Variants in LRRC69 observed in about 807,000 individuals in gnomAD.
LRRC69 encodes the protein leucine-rich repeat-containing protein 69.
LRRC69 carries 42 observed loss-of-function variants against 37.8 expected under a neutral mutation model. That is an observed-to-expected ratio of 1.11 (90% CI 0.87 to 1.44). LRRC69 has a LOEUF of 1.44. Among genes scored for constraint, LRRC69 ranks in the 40% most tolerant of loss-of-function variants. LRRC69 has a pLI of 0.00. For synonymous variants in LRRC69, 141 were observed against 143.1 expected (o/e 0.99, Z 0.11); for missense variants, 357 against 401.9 (o/e 0.89, Z 0.96).
chr8:91,119,451 A>T (rs1019036559), intron 1 of LRRC69, among the ~76,000 whole-genome samples: 7 of 151,976 alleles, frequency 4.6e-5, no homozygotes, highest in Non-Finnish European at 8.8e-5. Flanking sequence ...TTACAAGTTG[A>T]GGTTTTTATG....
intron 5 of LRRC69, among the ~76,000 whole-genome samples, chr8:91,145,626 A>T (rs986376422): frequency 1.3e-5 from 2 of 151,848 alleles, no homozygotes; most frequent in Admixed American, 1.3e-4. Context: ...CTGACCTTTT[A>T]AAAAATGGGA....
intron 1 of LRRC69, among the ~76,000 whole-genome samples, chr8:91,110,174 G>C (rs1485136382): frequency 6.6e-6 from 1 of 151,860 alleles, no homozygotes; most frequent in East Asian, 1.9e-4. Flanking sequence ...CTCTTCTTAA[G>C]GAAGTTAAAG....
chr8:91,161,736 T>A (rs1435840628), intron 5 of LRRC69, among the ~76,000 whole-genome samples: 1 of 151,294 alleles, frequency 6.6e-6, no homozygotes, highest in Non-Finnish European at 1.5e-5. Flanking sequence ...CTTTTTAAAT[T>A]TGCTTTTTAT....
intron 1 of LRRC69, among the ~76,000 whole-genome samples, chr8:91,104,010 G>A (rs971632482): frequency 7.3e-5 from 11 of 151,550 alleles, no homozygotes; most frequent in Non-Finnish European, 1.5e-4. Flanking sequence ...CCTCAATCCC[G>A]ATCTCCATAT....
chr8:91,158,391 A>C, intron 5 of LRRC69: 1 of 1,403,462 alleles, frequency 7.1e-7, no homozygotes, highest in Non-Finnish European at 1.0e-6. Flanking sequence ...ACAAACTCTG[A>C]TCACCCCAAG....
At chr8:91,136,479 A>C (rs1241589599) in intron 5 of LRRC69, among the ~76,000 whole-genome samples, 1 of 152,048 alleles carries the variant, frequency 6.6e-6, no homozygotes, top group Non-Finnish European at 1.5e-5. Context: ...TTTAGAAAAA[A>C]GTATAGTTTT....
intron 5 of LRRC69, among the ~76,000 whole-genome samples, chr8:91,159,132 A>G (rs1197468756): frequency 1.3e-5 from 2 of 151,130 alleles, no homozygotes; most frequent in African/African-American, 2.4e-5. Context: ...TTGCCTTCCC[A>G]TTGATCCTTC....
chr8:91,194,432 C>T (rs1292582403), intron 6 of LRRC69, among the ~76,000 whole-genome samples: 1 of 151,872 alleles, frequency 6.6e-6, no homozygotes, highest in African/African-American at 2.4e-5. Flanking sequence ...GTACCAGTTC[C>T]TCCTTGTACC....
At chr8:91,126,128 G>A (rs1035532916) in intron 2 of LRRC69, among the ~76,000 whole-genome samples, 1 of 151,926 alleles carries the variant, frequency 6.6e-6, no homozygotes, top group African/African-American at 2.4e-5. Context: ...TTGATGTCAG[G>A]GAGTTTAATG....
exon 8 of LRRC69, chr8:91,218,997 G>A: frequency 1.3e-6 from 2 of 1,535,084 alleles, no homozygotes; most frequent in Non-Finnish European, 1.8e-6. Flanking sequence ...TTGCTCAGGT[G>A]TAGAACAGGT....
At chr8:91,200,822 C>CAAA in intron 7 of LRRC69, 30 bp downstream of exon 7, 1 of 1,490,600 alleles carries the variant, frequency 6.7e-7, no homozygotes, top group East Asian at 2.6e-5. Flanking sequence ...CGAATATGAG[C>CAAA]ATAATACTGA....
At chr8:91,110,085 C>T (rs374995635) in intron 1 of LRRC69, among the ~76,000 whole-genome samples, 5 of 151,984 alleles carry the variant, frequency 3.3e-5, no homozygotes, top group African/African-American at 9.6e-5. Context: ...TAATTTGATT[C>T]GATTACCTTT....
intron 6 of LRRC69, among the ~76,000 whole-genome samples, chr8:91,190,465 G>T (rs1433580701): frequency 6.6e-6 from 1 of 151,966 alleles, no homozygotes; most frequent in Non-Finnish European, 1.5e-5. Context: ...AAAATACTAA[G>T]AAATCAAATT....
chr8:91,118,197 T>C (rs1260270593), intron 1 of LRRC69: 1 of 455,374 alleles, frequency 2.2e-6, no homozygotes, highest in East Asian at 7.0e-5. Flanking sequence ...TATGTTGGTC[T>C]AGGTGACTTG....
chr8:91,119,749 G>T (rs533873047), intron 1 of LRRC69, among the ~76,000 whole-genome samples: 1 of 151,898 alleles, frequency 6.6e-6, no homozygotes, highest in African/African-American at 2.4e-5. Context: ...TCATATTTCC[G>T]TGAGAAAACA....
chr8:91,199,357 G>A (rs1809675647), intron 6 of LRRC69, among the ~76,000 whole-genome samples: 1 of 152,156 alleles, frequency 6.6e-6, no homozygotes, highest in African/African-American at 2.4e-5. Context: ...TTGTGCTGTT[G>A]AACGATCAGA....
At chr8:91,169,328 A>G (rs10099683) in intron 5 of LRRC69, among the ~76,000 whole-genome samples, 32,612 of 151,692 alleles carry the variant, frequency 0.21, 5,795 homozygotes, top group African/African-American at 0.48. Context: ...GGGTGATGAA[A>G]TAATCTGTAT....
chr8:91,163,677 T>C (rs1808983695), intron 5 of LRRC69, among the ~76,000 whole-genome samples: 1 of 151,550 alleles, frequency 6.6e-6, no homozygotes, highest in Non-Finnish European at 1.5e-5. Context: ...ATCTCTTTAA[T>C]AGCTGCATTA....
intron 7 of LRRC69, among the ~76,000 whole-genome samples, chr8:91,201,816 T>C (rs569560202): frequency 6.6e-6 from 1 of 152,256 alleles, no homozygotes; most frequent in African/African-American, 2.4e-5. Context: ...TAAACACAAA[T>C]GTAACATAAA....
Sources: gnomAD v4.1 joint callset for allele counts (sites outside exome capture counted in the v4.1 genomes callset) on GRCh38, gnomAD v4.1.1 for gene constraint, MANE v1.5 for transcripts, NCBI Gene and HGNC (gene_info 2026-07-23, HGNC 2026-07-21) for gene names.